Variants in RASGRP3 observed in about 807,000 individuals in gnomAD.
RASGRP3 encodes the protein RAS guanyl releasing protein 3.
RASGRP3 carries 54 observed loss-of-function variants against 82.7 expected under a neutral mutation model. The ratio of observed to expected loss-of-function variants is 0.65; its 90% confidence interval spans 0.52 to 0.82. The LOEUF is 0.82. RASGRP3 is among the 40% of genes least tolerant of loss of function. The pLI is 0.00. For missense variants in RASGRP3, 861 were observed against 828.9 expected, an observed-to-expected ratio of 1.04 and a Z score of -0.48; for synonymous variants, 309 against 300.5, an observed-to-expected ratio of 1.03 and a Z score of -0.29.
chr2:33,446,178 G>T (rs182363286), intron 1 of RASGRP3, among the ~76,000 whole-genome samples: 3 of 152,264 alleles, frequency 2.0e-5, no homozygotes. Flanking sequence ...TTGTTTTTGA[G>T]ACGGAGTCTC....
intron 9 of RASGRP3, among the ~76,000 whole-genome samples, chr2:33,526,102 C>G (rs1301791143): frequency 6.6e-6 from 1 of 152,218 alleles, no homozygotes; most frequent in African/African-American, 2.4e-5. Flanking sequence ...TGAGCCAACT[C>G]AGGTCTTAGG....
chr2:33,538,230 T>A (rs1394995201), intron 11 of RASGRP3, among the ~76,000 whole-genome samples: 1 of 152,164 alleles, frequency 6.6e-6, no homozygotes, highest in Non-Finnish European at 1.5e-5. Flanking sequence ...AGTCTGGATG[T>A]GGTGACTCAC....
chr2:33,454,357 G>T (rs1296032965), intron 2 of RASGRP3, among the ~76,000 whole-genome samples: 1 of 152,210 alleles, frequency 6.6e-6, no homozygotes, highest in Non-Finnish European at 1.5e-5. Context: ...CTAAGGAAAG[G>T]AGAATTTTTA....
intron 17 of RASGRP3, among the ~76,000 whole-genome samples, chr2:33,560,593 T>C (rs556080568): frequency 8.5e-5 from 13 of 152,294 alleles, no homozygotes; most frequent in Non-Finnish European, 1.6e-4. Context: ...CAAAGAATCA[T>C]TGTGCAAGAA....
chr2:33,505,219 A>G (rs534842931), intron 1 of RASGRP3, among the ~76,000 whole-genome samples: 1 of 152,108 alleles, frequency 6.6e-6, no homozygotes, highest in Admixed American at 6.5e-5. Context: ...TAAGTGGAAC[A>G]ACAAAGGAGT....
At chr2:33,461,372 G>A (rs1039251997) in intron 2 of RASGRP3, among the ~76,000 whole-genome samples, 15 of 152,262 alleles carry the variant, frequency 9.9e-5, no homozygotes, top group Admixed American at 5.9e-4. Context: ...TCCATCTCCC[G>A]GGTTCAAGTC....
intron 1 of RASGRP3, among the ~76,000 whole-genome samples, chr2:33,496,957 T>C (rs1316849630): frequency 6.6e-6 from 1 of 152,252 alleles, no homozygotes; most frequent in Non-Finnish European, 1.5e-5. Flanking sequence ...TGAGTATTTC[T>C]TGACATTTCA....
intron 2 of RASGRP3, among the ~76,000 whole-genome samples, chr2:33,463,592 C>CTTTTTT (rs56748259): frequency 2.8e-5 from 2 of 70,230 alleles, no homozygotes; most frequent in Non-Finnish European, 2.7e-5. Context: ...CTCCTTCACT[C>CTTTTTT]TTTTTTTTTT....
chr2:33,436,363 T>C (rs1664927728), exon 1 of RASGRP3: 1 of 152,242 alleles, frequency 6.6e-6, no homozygotes, highest in Non-Finnish European at 1.5e-5. Context: ...GCTCAAAGCT[T>C]AGCAGCTTCA....
chr2:33,545,723 A>G (rs1190841168), intron 13 of RASGRP3, among the ~76,000 whole-genome samples: 4 of 152,220 alleles, frequency 2.6e-5, no homozygotes, highest in South Asian at 4.1e-4. Context: ...AAAAAGCTCA[A>G]TATCACTGAT....
At chr2:33,449,026 G>T (rs904656716) in intron 2 of RASGRP3, among the ~76,000 whole-genome samples, 2 of 152,124 alleles carry the variant, frequency 1.3e-5, no homozygotes, top group Non-Finnish European at 2.9e-5. Flanking sequence ...TTTACATGTG[G>T]TAGAGATTAG....
chr2:33,456,079 A>G (rs1444811901), intron 2 of RASGRP3, among the ~76,000 whole-genome samples: 1 of 152,072 alleles, frequency 6.6e-6, no homozygotes, highest in African/African-American at 2.4e-5. Flanking sequence ...CTTCCCACCA[A>G]AGTTACTTTC....
chr2:33,463,351 T>G (rs1666486497), intron 2 of RASGRP3, among the ~76,000 whole-genome samples: 1 of 152,084 alleles, frequency 6.6e-6, no homozygotes, highest in Non-Finnish European at 1.5e-5. Context: ...GTAAATGCAT[T>G]TATGCTAAAG....
intron 2 of RASGRP3, among the ~76,000 whole-genome samples, chr2:33,462,584 G>T (rs1428755377): frequency 6.6e-6 from 1 of 151,968 alleles, no homozygotes; most frequent in East Asian, 1.9e-4. Context: ...CACCATATTG[G>T]TCAGGCTGGT....
intron 7 of RASGRP3, 92 bp downstream of exon 7, chr2:33,522,194 C>G: frequency 7.2e-7 from 1 of 1,391,742 alleles, no homozygotes; most frequent in Non-Finnish European, 9.8e-7. Flanking sequence ...GTGTTGGCAG[C>G]TTCTATCACT....
intron 1 of RASGRP3, among the ~76,000 whole-genome samples, chr2:33,488,530 C>T (rs1029200329): frequency 3.3e-5 from 5 of 152,160 alleles, no homozygotes; most frequent in African/African-American, 7.2e-5. Flanking sequence ...AAAAAAAGAA[C>T]TCTCCATACA....
At chr2:33,476,135 A>G (rs1473882843), upstream of RASGRP3, 1 of 152,276 alleles carries the variant, frequency 6.6e-6, no homozygotes, top group Non-Finnish European at 1.5e-5. Context: ...CTTCCCCAGC[A>G]CCAGCCACCT....
chr2:33,455,645 A>G (rs182127659), intron 2 of RASGRP3, among the ~76,000 whole-genome samples: 1 of 152,378 alleles, frequency 6.6e-6, no homozygotes, highest in East Asian at 1.9e-4. Flanking sequence ...CTACTTTTGG[A>G]ATAAGACTGA....
intron 1 of RASGRP3, among the ~76,000 whole-genome samples, chr2:33,447,441 T>TTG (rs1665563536): frequency 1.6e-5 from 1 of 61,278 alleles, no homozygotes; most frequent in Non-Finnish European, 5.8e-5. Context: ...AGTGTGCACA[T>TTG]TTTTTTTTTT....
Sources: allele counts gnomAD v4.1 joint callset (sites outside exome capture counted in the v4.1 genomes callset), GRCh38; gene constraint gnomAD v4.1.1; transcripts MANE v1.5; gene names NCBI Gene and HGNC (gene_info 2026-07-23, HGNC 2026-07-21).